KDM2B: variants seen among roughly 807,000 people sequenced by gnomAD.
KDM2B encodes the protein lysine demethylase 2B, also known as lysine-specific demethylase 2B.
KDM2B carries 26 observed loss-of-function variants against 150.0 expected under a neutral mutation model. That is an observed-to-expected ratio of 0.17 (90% confidence interval 0.13 to 0.24). KDM2B has a LOEUF of 0.24. KDM2B is among the 10% of genes least tolerant of loss of function. KDM2B has a pLI of 1.00. For missense variants in KDM2B, 1,265 were observed against 1,816.9 expected (o/e 0.70, Z 5.52); for synonymous variants, 734 against 729.5 (o/e 1.01, Z -0.10).
chr12:121,502,443 G>A (rs558373527), intron 11 of KDM2B, among the ~76,000 whole-genome samples: 9 of 152,134 alleles, frequency 5.9e-5, no homozygotes, highest in South Asian at 4.2e-4. Flanking sequence ...CCAACATGGC[G>A]AAACCCCACC....
chr12:121,574,102 G>A (rs1555316446), intron 4 of KDM2B, among the ~76,000 whole-genome samples: 1 of 152,152 alleles, frequency 6.6e-6, no homozygotes, highest in East Asian at 1.9e-4. Flanking sequence ...TGCTCAGGGA[G>A]CTCATGTGCA....
intron 11 of KDM2B, among the ~76,000 whole-genome samples, chr12:121,497,673 T>A (rs1193867242): frequency 6.6e-6 from 1 of 151,722 alleles, no homozygotes; most frequent in East Asian, 1.9e-4. Flanking sequence ...CCTGAACAGA[T>A]CTCCTCAAAA....
intron 2 of KDM2B, among the ~76,000 whole-genome samples, chr12:121,576,342 A>G (rs1891489947): frequency 6.6e-6 from 1 of 152,216 alleles, no homozygotes; most frequent in African/African-American, 2.4e-5. Flanking sequence ...GCTGAGCATC[A>G]GTGAAAATCT....
the KDM2B span, among the ~76,000 whole-genome samples, chr12:121,411,058 C>T: frequency 6.6e-6 from 1 of 152,028 alleles, no homozygotes; most frequent in Non-Finnish European, 1.5e-5. Flanking sequence ...CCTCAGCCTC[C>T]GAGTAGCTGG....
the KDM2B span, chr12:121,423,338 G>T: frequency 1.4e-6 from 2 of 1,480,778 alleles, no homozygotes; most frequent in South Asian, 1.3e-5. This position sits in a 1 kb window ranked among gnomAD's most constrained non-coding sequence, Gnocchi z 4.3. Flanking sequence ...GTGGCTGGCT[G>T]ACTGGCCATG....
chr12:121,445,218 C>T (rs1229222819), intron 14 of KDM2B, 57 bp downstream of exon 14: 6 of 1,583,048 alleles, frequency 3.8e-6, no homozygotes, highest in Non-Finnish European at 5.2e-6. Context: ...CCAGCATCTC[C>T]AGCAACCCTA....
chr12:121,563,158 A>T (rs569120921), intron 4 of KDM2B, among the ~76,000 whole-genome samples: 1 of 152,250 alleles, frequency 6.6e-6, no homozygotes, highest in South Asian at 2.1e-4. Context: ...CTCTACAAAA[A>T]ATAAAAAATA....
chr12:121,496,986 C>T (rs1412565028), intron 11 of KDM2B, among the ~76,000 whole-genome samples: 1 of 151,942 alleles, frequency 6.6e-6, no homozygotes, highest in Non-Finnish European at 1.5e-5. Flanking sequence ...ATCATACTTT[C>T]CTGATCATAA....
At chr12:121,426,362 C>T (rs775237802), downstream of KDM2B, among the ~76,000 whole-genome samples, 1 of 151,788 alleles carries the variant, frequency 6.6e-6, no homozygotes, top group East Asian at 1.9e-4. Flanking sequence ...AGGCTTGATA[C>T]TTGGAAATTG....
At chr12:121,423,281 C>T in the KDM2B span, 4 of 816,894 alleles carry the variant, frequency 4.9e-6, no homozygotes, top group African/African-American at 1.7e-5. The surrounding 1 kb of genome is among the most constrained non-coding windows in gnomAD (Gnocchi z 4.3). Flanking sequence ...GGCATTGGGC[C>T]TGCAGGGGTC....
the KDM2B span, chr12:121,420,742 C>G: frequency 6.8e-6 from 11 of 1,613,726 alleles, no homozygotes; most frequent in Non-Finnish European, 8.5e-7. Context: ...GAAAGTAAAC[C>G]GGTTATACAA....
chr12:121,564,812 C>CTT (rs59741784), intron 4 of KDM2B, among the ~76,000 whole-genome samples: 3 of 149,782 alleles, frequency 2.0e-5, no homozygotes, highest in Admixed American at 6.7e-5. Flanking sequence ...ACAAGGCAAT[C>CTT]TTTTTTTTTT....
At chr12:121,477,558 C>T (rs1489147284) in intron 12 of KDM2B, among the ~76,000 whole-genome samples, 4 of 143,892 alleles carry the variant, frequency 2.8e-5, no homozygotes, top group African/African-American at 1.1e-4. Context: ...TAATTTTTTT[C>T]TTCTTTTCTT....
At chr12:121,502,648 G>A (rs1312311339) in intron 11 of KDM2B, among the ~76,000 whole-genome samples, 1 of 149,004 alleles carries the variant, frequency 6.7e-6, no homozygotes, top group Non-Finnish European at 1.5e-5. Context: ...CTGGCTGGAT[G>A]AGGTGGTTCA....
At chr12:121,536,224 G>T (rs967428731) in intron 6 of KDM2B, 4 of 355,170 alleles carry the variant, frequency 1.1e-5, no homozygotes, top group African/African-American at 8.9e-5. Context: ...TGGACCGGGG[G>T]CTCAGCAGTA....
At chr12:121,564,996 C>G (rs1594139238) in intron 4 of KDM2B, among the ~76,000 whole-genome samples, 1 of 151,940 alleles carries the variant, frequency 6.6e-6, no homozygotes, top group Non-Finnish European at 1.5e-5. Flanking sequence ...CCACACCCAG[C>G]TGATTTTTGT....
chr12:121,500,527 T>A (rs547086759), intron 11 of KDM2B, among the ~76,000 whole-genome samples: 1 of 152,344 alleles, frequency 6.6e-6, no homozygotes, highest in South Asian at 2.1e-4. Context: ...AGGCTGGGGC[T>A]TTAATAATCA....
At chr12:121,423,414 G>A in the KDM2B span, 1 of 1,610,864 alleles carries the variant, frequency 6.2e-7, no homozygotes, top group South Asian at 1.1e-5. This position sits in a 1 kb window ranked among gnomAD's most constrained non-coding sequence, Gnocchi z 4.3. Context: ...TGCAGGATGA[G>A]GAAGACGACA....
chr12:121,567,962 T>C (rs1363993145), intron 4 of KDM2B, among the ~76,000 whole-genome samples: 1 of 151,774 alleles, frequency 6.6e-6, no homozygotes, highest in Non-Finnish European at 1.5e-5. Flanking sequence ...CTTCTGACCT[T>C]AGGTGATCCG....
Sources: gnomAD v4.1 joint callset for allele counts (sites outside exome capture counted in the v4.1 genomes callset) on GRCh38, gnomAD v4.1.1 for gene constraint, Gnocchi (gnomAD v3.1) non-coding constraint, MANE v1.5 for transcripts, NCBI Gene and HGNC (gene_info 2026-07-23, HGNC 2026-07-21) for gene names.